SHOC2: variants seen among roughly 807,000 people sequenced by gnomAD.
SHOC2 encodes the protein leucine-rich repeat protein SHOC-2.
A neutral mutation model predicts 50.2 loss-of-function variants in SHOC2; 4 were observed. The observed-to-expected ratio is 0.08, with a 90% CI of 0.04 to 0.18. The LOEUF is 0.18. SHOC2 is among the 10% of genes least tolerant of loss of function. The pLI is 1.00. For synonymous variants in SHOC2, 218 were observed against 244.5 expected (o/e 0.89, Z 1.01); for missense variants, 388 against 669.6 (o/e 0.58, Z 4.64).
chr10:110,931,640 A>G (rs991762891), intron 1 of SHOC2, among the ~76,000 whole-genome samples: 10 of 152,166 alleles, frequency 6.6e-5, no homozygotes, highest in African/African-American at 2.2e-4. Flanking sequence ...AACTCCATGC[A>G]TGAGATGAAA....
At chr10:110,965,199 T>A in intron 2 of SHOC2, 138 bp downstream of exon 2, 1 of 751,612 alleles carries the variant, frequency 1.3e-6, no homozygotes, top group Non-Finnish European at 2.2e-6. Flanking sequence ...TGGTTTACTT[T>A]ATTCCATTTT....
intron 1 of SHOC2, among the ~76,000 whole-genome samples, chr10:110,958,029 T>C (rs1847499392): frequency 6.6e-6 from 1 of 152,212 alleles, no homozygotes; most frequent in South Asian, 2.1e-4. Flanking sequence ...TCTCATTTTT[T>C]AATTGAAAGG....
intron 3 of SHOC2, among the ~76,000 whole-genome samples, chr10:110,986,361 A>G (rs1848075994): frequency 6.6e-6 from 1 of 152,198 alleles, no homozygotes; most frequent in Admixed American, 6.5e-5. Context: ...AAAAATTCTG[A>G]TGCCTTTTTA....
chr10:110,977,338 G>A (rs1388596799), intron 2 of SHOC2, among the ~76,000 whole-genome samples: 1 of 150,500 alleles, frequency 6.6e-6, no homozygotes, highest in Non-Finnish European at 1.5e-5. Context: ...CGCAGTCTCT[G>A]CCTTCTGGGT....
intron 4 of SHOC2, among the ~76,000 whole-genome samples, chr10:111,001,391 G>A (rs918725928): frequency 3.3e-5 from 5 of 152,114 alleles, no homozygotes; most frequent in African/African-American, 1.2e-4. Flanking sequence ...CTGACCTCCA[G>A]TGGTCCACCC....
At chr10:110,929,239 G>C (rs1033476061) in intron 1 of SHOC2, among the ~76,000 whole-genome samples, 1 of 152,116 alleles carries the variant, frequency 6.6e-6, no homozygotes, top group African/African-American at 2.4e-5. Flanking sequence ...CCATTATCCA[G>C]TTTTTATAAC....
At chr10:110,967,150 A>G (rs1415693671) in intron 2 of SHOC2, among the ~76,000 whole-genome samples, 1 of 152,200 alleles carries the variant, frequency 6.6e-6, no homozygotes, top group African/African-American at 2.4e-5. Flanking sequence ...ATACTATCTT[A>G]TATCCTTACA....
chr10:110,924,602 T>G (rs768631250), intron 1 of SHOC2, among the ~76,000 whole-genome samples: 18 of 152,202 alleles, frequency 1.2e-4, no homozygotes, highest in Non-Finnish European at 2.5e-4. Context: ...GGCTTTGAAC[T>G]GCAGATCTGT....
intron 3 of SHOC2, among the ~76,000 whole-genome samples, chr10:110,986,801 A>T (rs1848087777): frequency 6.6e-6 from 1 of 152,156 alleles, no homozygotes; most frequent in South Asian, 2.1e-4. Context: ...TAGAGGCATG[A>T]TTACTAAATC....
chr10:110,928,792 G>T (rs1184197579), intron 1 of SHOC2, among the ~76,000 whole-genome samples: 1 of 152,132 alleles, frequency 6.6e-6, no homozygotes, highest in African/African-American at 2.4e-5. Context: ...CTACTTGGGA[G>T]ACTGAGGTGG....
chr10:110,959,761 G>C (rs1847537357), intron 1 of SHOC2, among the ~76,000 whole-genome samples: 1 of 152,304 alleles, frequency 6.6e-6, no homozygotes, highest in East Asian at 1.9e-4. Flanking sequence ...TGCTGAAAAT[G>C]TCTGGCACTG....
intron 2 of SHOC2, among the ~76,000 whole-genome samples, chr10:110,975,521 C>G (rs887718509): frequency 1.3e-5 from 2 of 152,152 alleles, no homozygotes; most frequent in African/African-American, 4.8e-5. Context: ...GAAAGGCTTT[C>G]CTTTTCTTTC....
intron 5 of SHOC2, among the ~76,000 whole-genome samples, chr10:111,007,205 A>G (rs1848485503): frequency 1.3e-5 from 2 of 152,116 alleles, no homozygotes; most frequent in Non-Finnish European, 2.9e-5. Flanking sequence ...TGATTTCTGC[A>G]TATTGTGAAA....
At chr10:110,931,455 A>C (rs1018325530) in intron 1 of SHOC2, among the ~76,000 whole-genome samples, 5 of 152,172 alleles carry the variant, frequency 3.3e-5, no homozygotes, top group African/African-American at 1.2e-4. Flanking sequence ...CTTAAACTGC[A>C]AAAATATATA....
chr10:110,953,898 A>G (rs1847407152), intron 1 of SHOC2, among the ~76,000 whole-genome samples: 1 of 151,022 alleles, frequency 6.6e-6, no homozygotes, highest in South Asian at 2.1e-4. Flanking sequence ...TTTTAATTAT[A>G]TATAATTATT....
intron 2 of SHOC2, among the ~76,000 whole-genome samples, chr10:110,979,663 T>G (rs1847937545): frequency 6.6e-6 from 1 of 152,212 alleles, no homozygotes; most frequent in African/African-American, 2.4e-5. Context: ...CAGCTTTCTC[T>G]TAGGACAAAA....
intron 1 of SHOC2, among the ~76,000 whole-genome samples, chr10:110,958,139 T>C (rs893254517): frequency 2.6e-5 from 4 of 152,242 alleles, no homozygotes; most frequent in Non-Finnish European, 4.4e-5. Flanking sequence ...AACTGGCTGC[T>C]GCTTTGACAA....
At chr10:110,939,770 A>G (rs950464602) in intron 1 of SHOC2, among the ~76,000 whole-genome samples, 3 of 152,204 alleles carry the variant, frequency 2.0e-5, no homozygotes, top group South Asian at 4.1e-4. Flanking sequence ...TACCAATATT[A>G]CTACTAAGGA....
chr10:110,920,705 C>G (rs1846622102), intron 1 of SHOC2, among the ~76,000 whole-genome samples: 1 of 152,084 alleles, frequency 6.6e-6, no homozygotes, highest in Non-Finnish European at 1.5e-5. Context: ...TGCTTTGTAT[C>G]GTAATGGGGG....
Sources: allele counts gnomAD v4.1 joint callset (sites outside exome capture counted in the v4.1 genomes callset), GRCh38; gene constraint gnomAD v4.1.1; transcripts MANE v1.5; gene names NCBI Gene and HGNC (gene_info 2026-07-23, HGNC 2026-07-21).